The following ATP11A variants were observed in gnomAD, a reference collection of about 807,000 sequenced individuals.
The protein encoded by ATP11A is ATPase phospholipid transporting 11A, also known as phospholipid-transporting ATPase IH.
Under a neutral mutation model 154.4 loss-of-function variants are expected in ATP11A, and 81 were observed. That is an observed-to-expected ratio of 0.52 (90% CI 0.44 to 0.63). ATP11A has a LOEUF of 0.63. Ranked by LOEUF, ATP11A falls within the 30% of genes least tolerant of loss-of-function variation. The probability of loss-of-function intolerance (pLI) is 0.00; values close to 1 mark genes in which losing one functional copy is unlikely to be tolerated. For missense variants in ATP11A, 1,316 were observed against 1,474.3 expected, an observed-to-expected ratio of 0.89 and a Z score of 1.76; for synonymous variants, 623 against 585.9, an observed-to-expected ratio of 1.06 and a Z score of -0.91.
At chr13:112,860,798 C>G (rs1257474207) in intron 24 of ATP11A, 1 of 158,734 alleles carries the variant, frequency 6.3e-6, no homozygotes, top group Non-Finnish European at 1.4e-5. Flanking sequence ...AAATTAACAG[C>G]TCTGGTTTCA....
At chr13:112,862,022 G>GTGT (rs2080120788) in intron 24 of ATP11A, among the ~76,000 whole-genome samples, 6 of 94,462 alleles carry the variant, frequency 6.4e-5, no homozygotes, top group Admixed American at 2.5e-4. Flanking sequence ...CAGGCGTAAG[G>GTGT]CGTCACGTCA....
At chr13:112,738,583 A>C (rs1280196780) in intron 1 of ATP11A, among the ~76,000 whole-genome samples, 1 of 152,184 alleles carries the variant, frequency 6.6e-6, no homozygotes, top group African/African-American at 2.4e-5. Context: ...TGCAGCGCAG[A>C]GCTCCTTTAA....
At chr13:112,701,166 T>C (rs1886477146) in intron 1 of ATP11A, among the ~76,000 whole-genome samples, 1 of 152,182 alleles carries the variant, frequency 6.6e-6, no homozygotes, top group Non-Finnish European at 1.5e-5. Flanking sequence ...CACGGTCCTT[T>C]CTACCATGAT....
chr13:112,843,012 T>G (rs1029198716), intron 17 of ATP11A, among the ~76,000 whole-genome samples: 1 of 152,206 alleles, frequency 6.6e-6, no homozygotes, highest in Non-Finnish European at 1.5e-5. Context: ...GGGCAACACG[T>G]GGCTGGGGTG....
chr13:112,781,837 G>GA (rs1299774644), intron 1 of ATP11A, among the ~76,000 whole-genome samples: 3 of 125,568 alleles, frequency 2.4e-5, no homozygotes, highest in Non-Finnish European at 5.2e-5. Flanking sequence ...ACAACACAAA[G>GA]AGCTCCCTTT....
intron 1 of ATP11A, among the ~76,000 whole-genome samples, chr13:112,734,530 C>G (rs1013995168): frequency 1.3e-5 from 2 of 152,024 alleles, no homozygotes; most frequent in Non-Finnish European, 2.9e-5. Flanking sequence ...CATCAACCGC[C>G]GAGGAACTGC....
At chr13:112,871,922 C>T (rs1185038480) in intron 26 of ATP11A, 122 bp downstream of exon 26, 2 of 1,124,530 alleles carry the variant, frequency 1.8e-6, no homozygotes, top group Non-Finnish European at 1.3e-6. Context: ...ACTCTCCACC[C>T]AGCCTTGGCT....
At chr13:112,773,236 G>A (rs576381927) in intron 1 of ATP11A, among the ~76,000 whole-genome samples, 55 of 151,932 alleles carry the variant, frequency 3.6e-4, no homozygotes, top group South Asian at 1.9e-3. Context: ...CCCCACCATC[G>A]CCACCCTCAG....
rs1047784686 is a variant in ATP11A at position 112,775,282 on chromosome 13, G to T, written c.40-9853G>T. On this transcript the variant is annotated intron_variant, in intron 1 of 29. Transcript: ENST00000375645. Reference sequence around the variant, plus strand: ...CTGCTGTGAAGATGCCGAAAACAGCGCCCCTCTCTGCTGAAGGGCTCGTTA... The same window carrying T: ...CTGCTGTGAAGATGCCGAAAACAGCTCCCCTCTCTGCTGAAGGGCTCGTTA... Among the ~76,000 whole-genome samples the T allele has an allele frequency of 6.6e-5, 10 of 152,326 alleles. No homozygotes were observed. The East Asian group carries it at 1.5e-3, about 24-fold the overall frequency.
At position 112,854,909 on chromosome 13, in the gene ATP11A, A is replaced by G. The variant is rs1487482484; in HGVS notation, c.2243+379A>G. 2.6e-5 allele frequency among the ~76,000 whole-genome samples: 4 copies of G among 152,246 alleles called. No individual in the cohort carries two copies. In the East Asian group the frequency reaches 7.7e-4, roughly 29 times the overall value. The stretch of plus-strand genomic sequence containing the variant: ...TGCTGGAGGAAGTGGAGATATTAAT[A>G]ATGCATGGTTGTTCGTCTAAGACGA... On this transcript the variant is annotated intron_variant, in intron 19 of 29. Transcript: ENST00000375645.
intron 1 of ATP11A, among the ~76,000 whole-genome samples, chr13:112,750,925 CAATT>C (rs2076676455): frequency 6.6e-6 from 1 of 152,192 alleles, no homozygotes; most frequent in Non-Finnish European, 1.5e-5. Context: ...ATTTATAGAG[CAATT>C]AATTCTGTGC....
chr13:112,768,145 C>T (rs770429509), intron 1 of ATP11A, among the ~76,000 whole-genome samples: 33 of 152,252 alleles, frequency 2.2e-4, no homozygotes, highest in Non-Finnish European at 3.7e-4. Flanking sequence ...TCCTCATAGC[C>T]GTTCTTTTAT....
chr13:112,768,241 G>C (rs1003181491), intron 1 of ATP11A, among the ~76,000 whole-genome samples: 1 of 152,256 alleles, frequency 6.6e-6, no homozygotes, highest in Admixed American at 6.5e-5. Flanking sequence ...GCAGCCCCAG[G>C]CGCCCGCCTC....
chr13:112,703,231 G>T (rs1238482116), intron 1 of ATP11A: 1 of 152,260 alleles, frequency 6.6e-6, no homozygotes. Context: ...CCTCCTGGGG[G>T]GCAGGAGGCT....
At chr13:112,823,439 C>T (rs776054852) in intron 9 of ATP11A, 30 bp downstream of exon 9, 3 of 1,546,336 alleles carry the variant, frequency 1.9e-6, no homozygotes, top group East Asian at 4.5e-5. Context: ...TTAACCATTG[C>T]CCCTAACATT....
intron 2 of ATP11A, among the ~76,000 whole-genome samples, chr13:112,788,244 A>G (rs1594696657): frequency 6.8e-6 from 1 of 147,476 alleles, no homozygotes; most frequent in East Asian, 2.0e-4. Flanking sequence ...TGACGTGTAG[A>G]CTCCTGTGGA....
In ATP11A at chr13:112,807,583, C is replaced by T. The variant is rs183183822; in HGVS notation, c.333+1290C>T. Reference sequence around the variant, plus strand: ...CCTGGGATAAGGCCTCACTTCATGTCGGTGGCAGGCTCTTGCAAACTTCAA... The same window carrying T: ...CCTGGGATAAGGCCTCACTTCATGTTGGTGGCAGGCTCTTGCAAACTTCAA... On this transcript the variant is annotated intron_variant, in intron 4 of 29. Coordinates refer to ENST00000375645, the MANE Select transcript of ATP11A (RefSeq NM_015205.3). The surrounding 1 kb of genome is among the most constrained non-coding windows in gnomAD (Gnocchi z 4.5). Among the ~76,000 whole-genome samples, 1 of 152,274 alleles carries T rather than the reference C, an allele frequency of 6.6e-6. No homozygotes were observed. The highest frequency in any genetic ancestry group is 2.4e-5 in the African/African-American group (1 of 41,542).
intron 1 of ATP11A, among the ~76,000 whole-genome samples, chr13:112,749,388 T>G (rs535983698): frequency 1.3e-5 from 2 of 152,374 alleles, no homozygotes; most frequent in East Asian, 3.9e-4. Context: ...TCTTTCACTA[T>G]TGAATGACTT....
In ATP11A at chr13:112,834,631, G is replaced by T. The variant is rs1011802270; in HGVS notation, c.1602G>T (p.Glu534Asp). ...TYLRLKDNYM[E>D]ILNRENHIER... Reference sequence around the variant, plus strand: ...TAAGGCTGAAGGACAATTACATGGAGATATTAAACAGGGAGAACCACATCG... The same window carrying T: ...TAAGGCTGAAGGACAATTACATGGATATATTAAACAGGGAGAACCACATCG... The change falls in exon 15 of 30, where the codon GAG (glutamate) becomes GAT (aspartate). Residue 534 changes from glutamate to aspartate, a missense_variant. Physicochemically the swap from Glu to Asp is conservative, Grantham distance 45. Transcript: ENST00000375645. 1.9e-6 allele frequency: 3 copies of T among 1,613,910 alleles called. No individual in the cohort carries two copies. Among genetic ancestry groups the T allele is most frequent in the South Asian group, 2.2e-5 (2 of 91,080 alleles).
Sources: allele counts gnomAD v4.1 joint callset (sites outside exome capture counted in the v4.1 genomes callset), GRCh38; gene constraint gnomAD v4.1.1; non-coding constraint Gnocchi (gnomAD v3.1); transcripts MANE v1.5; gene names NCBI Gene and HGNC (gene_info 2026-07-23, HGNC 2026-07-21).